The following KDELR3 variants were observed in gnomAD, a reference collection of about 807,000 sequenced individuals.
KDELR3 encodes the protein ER lumen protein-retaining receptor 3.
Under a neutral mutation model 22.7 loss-of-function variants are expected in KDELR3, and 26 were observed. The observed-to-expected ratio is 1.15, with a 90% CI of 0.84 to 1.59. KDELR3 has a LOEUF of 1.59. Among genes scored for constraint, KDELR3 ranks in the 40% most tolerant of loss-of-function variants. KDELR3 has a pLI of 0.00. For missense variants in KDELR3, 289 were observed against 251.1 expected (o/e 1.15, Z -1.02); for synonymous variants, 120 against 98.2 (o/e 1.22, Z -1.31).
Position 38,482,761 on chromosome 22 carries a change from A to G in KDELR3, c.*225A>G. On this transcript the variant is annotated 3_prime_UTR_variant, in exon 5 of 5. Transcript: ENST00000216014. ...ATAAAAAACCTCGGCCACCTGCACA[A>G]AGATGGTGCCTCACTGCAACAAGAA... is the stretch of plus-strand genomic sequence containing the variant. 1 of 540,290 alleles carries G rather than the reference A, an allele frequency of 1.9e-6. No homozygotes were observed. 33.5% of individuals were successfully genotyped at this position (540,290 alleles called of 1,614,324 possible). A position where few individuals can be genotyped will look rare whatever the true frequency, so the allele number is the denominator to read the frequency against.
Position 38,482,551 on chromosome 22 carries a change from A to G in KDELR3, c.*15A>G, listed in dbSNP as rs768561830. 1 of 1,604,074 alleles carries G rather than the reference A, an allele frequency of 6.2e-7. No homozygotes were observed. Among genetic ancestry groups the G allele is most frequent in the Non-Finnish European group, 8.5e-7 (1 of 1,170,952 alleles). On this transcript the variant is annotated 3_prime_UTR_variant, in exon 5 of 5. Transcript: ENST00000216014. Reference sequence around the variant, plus strand: ...TGCCAATCTGAGGACCTTCAGAGACAGTCTACGCCTTAACAAGCACATGAA... The same window carrying G: ...TGCCAATCTGAGGACCTTCAGAGACGGTCTACGCCTTAACAAGCACATGAA...
chr22:38,477,689 G>C (rs540997714), intron 2 of KDELR3, among the ~76,000 whole-genome samples: 5 of 152,194 alleles, frequency 3.3e-5, no homozygotes, highest in Non-Finnish European at 7.3e-5. Context: ...TGGTAGAGTG[G>C]AGGTTGCTGT....
chr22:38,468,248 A>G lies in KDELR3; in HGVS notation c.15A>G (p.Arg5=). The part of the protein sequence containing the change: MNVF[R]ILGDLSHLLA... ...CTGGCTGGACCATGAACGTGTTCCG[A>G]ATCCTCGGCGACCTGAGCCACCTCC... is the stretch of plus-strand genomic sequence containing the variant. The change falls in exon 1 of 5, where the codon CGA becomes CGG. Residue 5 remains arginine, a synonymous_variant. Coordinates refer to ENST00000216014, the MANE Select transcript of KDELR3 (RefSeq NM_006855.4). 6.2e-7 allele frequency: 1 copy of G among 1,613,810 alleles called. No individual in the cohort carries two copies. Among genetic ancestry groups the G allele is most frequent in the Middle Eastern group, 1.6e-4 (1 of 6,062 alleles).
Position 38,481,302 on chromosome 22 carries a change from A to C in KDELR3, c.442A>C (p.Thr148Pro). ...CAAGACTGGAGAGGCTGAGACCATA[A>C]CTACTCACTACCTGTTCTTTCTGGG... Reference protein sequence around the residue: ...ISKTGEAETITTHYLFFLGLY... With the variant: ...ISKTGEAETIPTHYLFFLGLY... The change falls in exon 4 of 5, where the codon ACT (threonine) becomes CCT (proline). Residue 148 changes from threonine (T) to proline (P), a missense_variant. Thr to Pro is a conservative substitution (Grantham distance 38, BLOSUM62 -1). Transcript: ENST00000216014. 6.2e-7 allele frequency: 1 copy of C among 1,614,178 alleles called. No homozygotes were observed. Among genetic ancestry groups the C allele is most frequent in the Non-Finnish European group, 8.5e-7 (1 of 1,180,028 alleles).
At position 38,481,447 on chromosome 22, in the gene KDELR3, A is replaced by T; in HGVS notation, c.587A>T (p.Tyr196Phe). The stretch of plus-strand genomic sequence containing the variant: ...ACCATCTTCTACTGTGACTTCTTCT[A>T]CTTGTATGTGACCAAAGGTAGGTCC... ...VQTIFYCDFF[Y>F]LYVTKVLKGK... Residue 196 changes from tyrosine to phenylalanine, a missense_variant, in exon 4 of 5, where the codon TAC (tyrosine) becomes TTC (phenylalanine). Physicochemically the swap from Tyr to Phe is conservative, Grantham distance 22. Transcript: ENST00000216014. 1 of 1,614,144 alleles carries T rather than the reference A, an allele frequency of 6.2e-7. No homozygotes were observed. The highest frequency in any genetic ancestry group is 2.2e-5 in the East Asian group (1 of 44,876).
intron 1 of KDELR3, among the ~76,000 whole-genome samples, chr22:38,472,683 C>T (rs528192435): frequency 2.0e-5 from 3 of 152,002 alleles, no homozygotes; most frequent in South Asian, 2.1e-4. Context: ...TCACTAAATA[C>T]GATGTTTTTT....
intron 2 of KDELR3, among the ~76,000 whole-genome samples, chr22:38,478,940 G>A (rs922642132): frequency 2.0e-5 from 3 of 152,050 alleles, no homozygotes; most frequent in African/African-American, 4.8e-5. Flanking sequence ...TCCACACCCA[G>A]GCAGCATCTG....
chr22:38,479,451 A>G, intron 2 of KDELR3, 142 bp from the exon 3 acceptor site: 1 of 733,936 alleles, frequency 1.4e-6, no homozygotes, highest in East Asian at 2.5e-5. Flanking sequence ...ACTGGACCCA[A>G]GATAAATTGC....
chr22:38,482,623 G>A lies in KDELR3; in HGVS notation c.*87G>A, dbSNP rs1267370371. ...CTTTGGCAACTTATCCATAATTTGG[G>A]ATCAAATGTTAAAACCAGAAAAGTG... On this transcript the variant is annotated 3_prime_UTR_variant, in exon 5 of 5. Transcript: ENST00000216014. 4.8e-6 allele frequency: 6 copies of A among 1,241,034 alleles called. No individual in the cohort carries two copies. The highest frequency in any genetic ancestry group is 7.1e-6 in the Non-Finnish European group (6 of 850,508). 76.9% of individuals were successfully genotyped at this position (1,241,034 alleles called of 1,614,324 possible).
At chr22:38,478,293 C>T (rs2089573486) in intron 2 of KDELR3, among the ~76,000 whole-genome samples, 1 of 151,964 alleles carries the variant, frequency 6.6e-6, no homozygotes, top group Non-Finnish European at 1.5e-5. Flanking sequence ...TGCCTATAAT[C>T]CCAGCACTTT....
intron 4 of KDELR3, among the ~76,000 whole-genome samples, chr22:38,481,845 T>C (rs2089604867): frequency 6.6e-6 from 1 of 152,160 alleles, no homozygotes; most frequent in South Asian, 2.1e-4. Flanking sequence ...AGGGCAGGGG[T>C]GTCCAACCTT....
intron 1 of KDELR3, among the ~76,000 whole-genome samples, chr22:38,470,152 T>C (rs951533473): frequency 6.7e-6 from 1 of 150,158 alleles, no homozygotes; most frequent in African/African-American, 2.5e-5. Context: ...GAGACAGAGT[T>C]TTGTTCTATC....
At chr22:38,475,011 C>T (rs183613177) in intron 2 of KDELR3, among the ~76,000 whole-genome samples, 4 of 126,370 alleles carry the variant, frequency 3.2e-5, no homozygotes, top group Admixed American at 9.8e-5. Context: ...ACTTGGGAGG[C>T]GGAGGTTGCA....
In KDELR3 at chr22:38,481,300, T is replaced by C. The variant is rs2089598294; in HGVS notation, c.440T>C (p.Ile147Thr). Reference protein sequence around the residue: ...MISKTGEAETITTHYLFFLGL... With the variant: ...MISKTGEAETTTTHYLFFLGL... ...AGCAAGACTGGAGAGGCTGAGACCA[T>C]AACTACTCACTACCTGTTCTTTCTG... Residue 147 changes from isoleucine to threonine, a missense_variant, in exon 4 of 5, where the codon ATA becomes ACA. By Grantham distance (89) the Ile-to-Thr change is moderately conservative. Coordinates refer to ENST00000216014, the MANE Select transcript of KDELR3 (RefSeq NM_006855.4). The C allele has an allele frequency of 6.2e-7, 1 of 1,614,166 alleles. No homozygotes were observed. The highest frequency in any genetic ancestry group is 1.3e-5 in the African/African-American group (1 of 75,042).
At chr22:38,468,721 T>C (rs1259554046) in intron 1 of KDELR3, among the ~76,000 whole-genome samples, 1 of 152,150 alleles carries the variant, frequency 6.6e-6, no homozygotes, top group African/African-American at 2.4e-5. Context: ...TTCTCTTCCC[T>C]GCCCCTTCCC....
chr22:38,481,490 T>G, intron 4 of KDELR3, 26 bp downstream of exon 4: 1 of 1,614,152 alleles, frequency 6.2e-7, no homozygotes, highest in Non-Finnish European at 8.5e-7. Flanking sequence ...ACAGCAATGC[T>G]GACACTGGCC....
At chr22:38,478,499 C>T (rs2089574921) in intron 2 of KDELR3, among the ~76,000 whole-genome samples, 1 of 131,502 alleles carries the variant, frequency 7.6e-6, no homozygotes, top group African/African-American at 2.8e-5. Flanking sequence ...TGCACCACTG[C>T]ACTCCAGCCT....
intron 2 of KDELR3, among the ~76,000 whole-genome samples, chr22:38,475,242 A>G (rs541678102): frequency 6.6e-6 from 1 of 152,256 alleles, no homozygotes; most frequent in Non-Finnish European, 1.5e-5. Context: ...TTGGGAGGCC[A>G]AGGCGAGAGG....
Position 38,482,678 on chromosome 22 carries a change from A to C in KDELR3, c.*142A>C. On this transcript the variant is annotated 3_prime_UTR_variant, in exon 5 of 5. Transcript: ENST00000216014. ...GTGTGGATTTCAGCAAAACCTGATC[A>C]TCCCACCCAGAAGACCTTCTCATCA... 1.4e-6 allele frequency: 1 copy of C among 715,518 alleles called. No homozygotes were observed. Among genetic ancestry groups the C allele is most frequent in the East Asian group, 2.7e-5 (1 of 37,134 alleles). The allele number at this position is 715,518 out of a possible 1,614,324, so 44.3% of individuals were successfully genotyped here. A position where few individuals can be genotyped will look rare whatever the true frequency, so the allele number is the denominator to read the frequency against.
Sources: gnomAD v4.1 joint callset for allele counts (sites outside exome capture counted in the v4.1 genomes callset) on GRCh38, gnomAD v4.1.1 for gene constraint, MANE v1.5 for transcripts, NCBI Gene and HGNC (gene_info 2026-07-23, HGNC 2026-07-21) for gene names.